CAPZA2: variants seen among roughly 807,000 people sequenced by gnomAD.
CAPZA2 encodes the protein F-actin-capping protein subunit alpha-2.
Under a neutral mutation model 44.0 loss-of-function variants are expected in CAPZA2, and 13 were observed. The observed-to-expected ratio is 0.30, with a 90% CI of 0.19 to 0.47. The LOEUF (loss-of-function observed/expected upper bound fraction) is 0.47. CAPZA2 is among the 20% of genes least tolerant of loss of function. CAPZA2 has a pLI of 1.00. For missense variants in CAPZA2, 244 were observed against 338.6 expected (o/e 0.72, Z 2.19); for synonymous variants, 94 against 108.2 (o/e 0.87, Z 0.81).
At position 116,906,254 on chromosome 7, in the gene CAPZA2, G is replaced by T; in HGVS notation, c.427-9G>T. On this transcript the variant is annotated splice_polypyrimidine_tract_variant and intron_variant, in intron 5 of 9. Coordinates refer to ENST00000361183, the MANE Select transcript of CAPZA2 (RefSeq NM_006136.3). The stretch of plus-strand genomic sequence containing the variant: ...ATTCATTCTTATGCTTATTTTCTTT[G>T]CCAATAAGGTGTATGGCAAAAAAAT... The T allele has an allele frequency of 6.2e-7, 1 of 1,606,850 alleles. No homozygotes were observed. The highest frequency in any genetic ancestry group is 8.5e-7 in the Non-Finnish European group (1 of 1,178,472).
intron 2 of CAPZA2, among the ~76,000 whole-genome samples, chr7:116,890,561 TATATATAC>T (rs1562959987): frequency 7.9e-5 from 1 of 12,588 alleles, no homozygotes; most frequent in African/African-American, 3.1e-4. Flanking sequence ...TATATATATA[TATATATAC>T]ACATATATAT....
intron 4 of CAPZA2, 147 bp from the exon 5 acceptor site, chr7:116,904,030 A>G: frequency 1.6e-6 from 1 of 606,386 alleles, no homozygotes; most frequent in Middle Eastern, 4.4e-4. Context: ...TGAAGTATTA[A>G]TAGTTGTACC....
At chr7:116,868,452 G>C (rs767204201) in intron 1 of CAPZA2, among the ~76,000 whole-genome samples, 5 of 152,138 alleles carry the variant, frequency 3.3e-5, no homozygotes, top group Non-Finnish European at 5.9e-5. Context: ...GTTTTTATTG[G>C]CTGGGCGCGG....
At chr7:116,887,512 G>A (rs1328770045) in intron 1 of CAPZA2, among the ~76,000 whole-genome samples, 1 of 149,438 alleles carries the variant, frequency 6.7e-6, no homozygotes, top group Non-Finnish European at 1.5e-5. Context: ...TGGTGACAGA[G>A]CAAGACCCTG....
chr7:116,876,537 A>T (rs1796625160), intron 1 of CAPZA2, among the ~76,000 whole-genome samples: 1 of 152,210 alleles, frequency 6.6e-6, no homozygotes, highest in Non-Finnish European at 1.5e-5. Context: ...TCTAATGTTT[A>T]GACTATATTT....
chr7:116,890,768 ACT>A (rs1254170328), intron 2 of CAPZA2, among the ~76,000 whole-genome samples: 1 of 54,808 alleles, frequency 1.8e-5, no homozygotes, highest in Non-Finnish European at 3.1e-5. Context: ...ACAGAGTGAG[ACT>A]CTGTCTCAAA....
intron 2 of CAPZA2, among the ~76,000 whole-genome samples, chr7:116,890,565 TATACAC>T (rs1796828196): frequency 1.6e-4 from 2 of 12,552 alleles, no homozygotes; most frequent in Non-Finnish European, 2.8e-4. Flanking sequence ...TATATATATA[TATACAC>T]ATATATATAT....
At chr7:116,904,694 C>A in intron 5 of CAPZA2, 1 of 203,114 alleles carries the variant, frequency 4.9e-6, no homozygotes, top group Non-Finnish European at 9.8e-6. Flanking sequence ...CAGTTTAGAT[C>A]AAAGTTATTT....
chr7:116,903,165 AAT>A (rs1259053856), intron 4 of CAPZA2, among the ~76,000 whole-genome samples: 2 of 151,948 alleles, frequency 1.3e-5, no homozygotes, highest in Non-Finnish European at 2.9e-5. Context: ...AATGGTGAGA[AAT>A]ATATCACTTG....
chr7:116,915,964 TA>T, intron 8 of CAPZA2, 95 bp from the exon 9 acceptor site: 1 of 827,232 alleles, frequency 1.2e-6, no homozygotes. Context: ...CCTTCTGTGT[TA>T]TTTATTATAA....
chr7:116,881,395 CCA>C (rs1468506597), intron 1 of CAPZA2, among the ~76,000 whole-genome samples: 2 of 151,990 alleles, frequency 1.3e-5, no homozygotes, highest in South Asian at 2.1e-4. Context: ...ATTTTTTTCC[CCA>C]GTCTTTAAAT....
At chr7:116,899,161 A>G (rs1435075082) in intron 4 of CAPZA2, among the ~76,000 whole-genome samples, 2 of 152,058 alleles carry the variant, frequency 1.3e-5, no homozygotes, top group African/African-American at 4.8e-5. Flanking sequence ...GATTTATATC[A>G]TAATTTGGTT....
At chr7:116,888,737 A>T (rs1489775013) in intron 2 of CAPZA2, 1 of 147,762 alleles carries the variant, frequency 6.8e-6, no homozygotes, top group East Asian at 2.1e-4. Context: ...TGAGAGGCTG[A>T]GGTTGGGGAA....
At chr7:116,887,125 T>G (rs1796773045) in intron 1 of CAPZA2, among the ~76,000 whole-genome samples, 1 of 152,254 alleles carries the variant, frequency 6.6e-6, no homozygotes, top group South Asian at 2.1e-4. Flanking sequence ...AATATGTATG[T>G]CATTGTTCTT....
intron 1 of CAPZA2, among the ~76,000 whole-genome samples, chr7:116,864,105 CTATTT>C (rs1208047542): frequency 6.6e-6 from 1 of 152,108 alleles, no homozygotes; most frequent in Non-Finnish European, 1.5e-5. Flanking sequence ...ATAAATAATC[CTATTT>C]TATTTAGGTG....
chr7:116,909,939 C>T, intron 6 of CAPZA2: 1 of 313,122 alleles, frequency 3.2e-6, no homozygotes, highest in Non-Finnish European at 6.0e-6. Flanking sequence ...CAATTAGTGG[C>T]AAACAGCACT....
chr7:116,879,733 G>C (rs926957656), intron 1 of CAPZA2, among the ~76,000 whole-genome samples: 1 of 152,162 alleles, frequency 6.6e-6, no homozygotes, highest in African/African-American at 2.4e-5. Context: ...ACTGGTACCT[G>C]TCTGTGGCCT....
At chr7:116,871,987 T>TTTGTTG (rs374485260) in intron 1 of CAPZA2, among the ~76,000 whole-genome samples, 1 of 152,012 alleles carries the variant, frequency 6.6e-6, no homozygotes, top group South Asian at 2.1e-4. Flanking sequence ...GTAATTCCTT[T>TTTGTTG]TTGTTGTTGT....
intron 1 of CAPZA2, chr7:116,875,262 A>C (rs1051632209): frequency 1.3e-5 from 2 of 152,146 alleles, no homozygotes; most frequent in African/African-American, 4.8e-5. Flanking sequence ...CAAATGGCAA[A>C]GTGTTCATTT....
Sources: allele counts gnomAD v4.1 joint callset (sites outside exome capture counted in the v4.1 genomes callset), GRCh38; gene constraint gnomAD v4.1.1; transcripts MANE v1.5; gene names NCBI Gene and HGNC (gene_info 2026-07-23, HGNC 2026-07-21).